UGT1A7: variants seen among roughly 807,000 people sequenced by gnomAD.
UGT1A7 encodes the protein UDP-glucuronosyltransferase 1A7.
In UGT1A7, 33 loss-of-function variants were observed where a neutral mutation model predicts 45.6. The observed-to-expected ratio is 0.72, with a 90% CI of 0.55 to 0.97. The LOEUF (loss-of-function observed/expected upper bound fraction) is 0.97. UGT1A7 is among the 50% of genes least tolerant of loss of function. The pLI is 0.00. For synonymous variants in UGT1A7, 274 were observed against 250.6 expected (o/e 1.09, Z -0.88); for missense variants, 684 against 666.2 (o/e 1.03, Z -0.29).
At chr2:233,692,808 G>T in intron 1 of UGT1A7, 2 of 1,410,854 alleles carry the variant, frequency 1.4e-6, no homozygotes, top group South Asian at 1.5e-5. Flanking sequence ...GGCCATAGTT[G>T]GTTCATATTA....
At chr2:233,712,536 G>A (rs888571538) in intron 1 of UGT1A7, among the ~76,000 whole-genome samples, 10 of 152,228 alleles carry the variant, frequency 6.6e-5, no homozygotes, top group African/African-American at 2.4e-4. Context: ...TTACCCATAT[G>A]TGGGAAGAAA....
At chr2:233,754,004 G>T (rs1256062754) in intron 1 of UGT1A7, among the ~76,000 whole-genome samples, 1 of 152,190 alleles carries the variant, frequency 6.6e-6, no homozygotes, top group African/African-American at 2.4e-5. Context: ...TGGGTAATTT[G>T]TTACAGCCAT....
intron 1 of UGT1A7, among the ~76,000 whole-genome samples, chr2:233,702,924 G>A (rs1214715123): frequency 2.0e-5 from 3 of 152,026 alleles, no homozygotes; most frequent in African/African-American, 7.2e-5. Context: ...ATTTTCTTGC[G>A]GAGCCTTGGT....
chr2:233,758,800 G>A (rs970637590), intron 1 of UGT1A7, among the ~76,000 whole-genome samples: 4 of 152,152 alleles, frequency 2.6e-5, no homozygotes, highest in African/African-American at 9.7e-5. Flanking sequence ...TCTTGGAATT[G>A]TATAGTACAG....
In UGT1A7 at chr2:233,730,882, A is replaced by G. The variant is rs150237801; in HGVS notation, c.856-36152A>G. On this transcript the variant is annotated intron_variant, in intron 1 of 4. Coordinates refer to ENST00000373426, the MANE Select transcript of UGT1A7 (RefSeq NM_019077.3). ...ACCCTACTGCACTCCAGGTTTCTAT[A>G]GTGGGATCTACTCCTTTACCAAAAA... 3.7e-3 allele frequency among the ~76,000 whole-genome samples: 556 copies of G among 152,264 alleles called. 1 individual carries two copies. The highest frequency in any genetic ancestry group is 7.3e-3 in the Admixed American group (112 of 15,302).
At chr2:233,705,061 G>A (rs10180090) in intron 1 of UGT1A7, among the ~76,000 whole-genome samples, 62,946 of 151,510 alleles carry the variant, frequency 0.42, 13,988 homozygotes, top group African/African-American at 0.57. Context: ...GCTTGAACCC[G>A]GGAGGCGGAG....
At chr2:233,768,504 G>GA in intron 4 of UGT1A7, 65 bp downstream of exon 4, 1 of 1,558,444 alleles carries the variant, frequency 6.4e-7, no homozygotes. Flanking sequence ...TTTCAAATAT[G>GA]AAAACATTTA....
intron 1 of UGT1A7, among the ~76,000 whole-genome samples, chr2:233,757,535 A>AATATATATACATATAC (rs376887521): frequency 1.6e-3 from 143 of 88,240 alleles, no homozygotes; most frequent in Middle Eastern, 5.7e-3. Flanking sequence ...GCCTGTAAGG[A>AATATATATACATATAC]ATATATATAT....
intron 1 of UGT1A7, among the ~76,000 whole-genome samples, chr2:233,737,794 C>T (rs140109342): frequency 3.4e-4 from 51 of 152,152 alleles, no homozygotes; most frequent in African/African-American, 1.2e-3. Flanking sequence ...TGGCTCAAAT[C>T]TTCACTATCA....
intron 1 of UGT1A7, among the ~76,000 whole-genome samples, chr2:233,736,718 T>C (rs1407462438): frequency 1.3e-5 from 2 of 152,092 alleles, no homozygotes; most frequent in East Asian, 3.9e-4. Flanking sequence ...ATGTCCTTTT[T>C]GTTGATGTTT....
chr2:233,682,335 T>C lies in UGT1A7; in HGVS notation c.398T>C (p.Leu133Ser). ...AGGAGTTTGTTTAATGACCGAAAAT[T>C]AGTAGAATACTTAAAGGAGAGTTGT... ...NCRSLFNDRK[L>S]VEYLKESCFD... Residue 133 changes from leucine to serine, a missense_variant, in exon 1 of 5, where the codon TTA becomes TCA. Transcript: ENST00000373426. 6.2e-7 allele frequency: 1 copy of C among 1,614,168 alleles called. No individual in the cohort carries two copies. Among genetic ancestry groups the C allele is most frequent in the Non-Finnish European group, 8.5e-7 (1 of 1,180,004 alleles).
chr2:233,726,932 C>A (rs1467688667), intron 1 of UGT1A7, among the ~76,000 whole-genome samples: 1 of 151,974 alleles, frequency 6.6e-6, no homozygotes, highest in East Asian at 1.9e-4. Flanking sequence ...TTCCTTTTTT[C>A]ATTTTTAAAA....
At chr2:233,760,797 C>T in intron 1 of UGT1A7, 1 of 1,613,492 alleles carries the variant, frequency 6.2e-7, no homozygotes, top group Non-Finnish European at 8.5e-7. Context: ...CCACTGTATT[C>T]TTCTTGCATG....
At chr2:233,734,101 T>C (rs2078479429) in intron 1 of UGT1A7, among the ~76,000 whole-genome samples, 1 of 151,280 alleles carries the variant, frequency 6.6e-6, no homozygotes. Context: ...AAACTTAAAG[T>C]ATAATAATAA....
At chr2:233,685,588 G>A (rs17864689) in intron 1 of UGT1A7, among the ~76,000 whole-genome samples, 1 of 152,124 alleles carries the variant, frequency 6.6e-6, no homozygotes, top group Admixed American at 6.5e-5. Context: ...CAAGCCCAAG[G>A]CCTCCCTCCA....
At chr2:233,690,639 A>T in intron 1 of UGT1A7, 1 of 1,287,678 alleles carries the variant, frequency 7.8e-7, no homozygotes, top group Non-Finnish European at 1.0e-6. Flanking sequence ...ACCTGAGGAC[A>T]CCTTGACTCC....
In UGT1A7 at chr2:233,772,456, T is replaced by A; in HGVS notation, c.1490T>A (p.Leu497Gln). The A allele has an allele frequency of 6.2e-7, 1 of 1,614,218 alleles. No homozygotes were observed. The highest frequency in any genetic ancestry group is 8.5e-7 in the Non-Finnish European group (1 of 1,180,044). Residue 497 changes from leucine to glutamine, a missense_variant, in exon 5 of 5, where the codon CTG (leucine) becomes CAG (glutamine). Leu to Gln is a moderately radical substitution (Grantham distance 113). Coordinates refer to ENST00000373426, the MANE Select transcript of UGT1A7 (RefSeq NM_019077.3). ...ATTGGTTTCCTCTTGGCCGTCGTGC[T>A]GACAGTGGCCTTCATCACCTTTAAA... is the stretch of plus-strand genomic sequence containing the variant. ...DVIGFLLAVV[L>Q]TVAFITFKCC...
intron 1 of UGT1A7, among the ~76,000 whole-genome samples, chr2:233,720,190 G>A (rs1402744128): frequency 1.3e-5 from 2 of 152,210 alleles, no homozygotes; most frequent in Non-Finnish European, 2.9e-5. Context: ...TTGAGTGGAA[G>A]TGGGGCTGTG....
At chr2:233,704,368 C>G in intron 1 of UGT1A7, among the ~76,000 whole-genome samples, 1 of 150,424 alleles carries the variant, frequency 6.6e-6, no homozygotes, top group East Asian at 1.9e-4. Context: ...TGTTCTAGGG[C>G]TTAGCACATC....
Sources: gnomAD v4.1 joint callset for allele counts (sites outside exome capture counted in the v4.1 genomes callset) on GRCh38, gnomAD v4.1.1 for gene constraint, MANE v1.5 for transcripts, NCBI Gene and HGNC (gene_info 2026-07-23, HGNC 2026-07-21) for gene names.